Variants in ATP2C1 observed in about 807,000 individuals in gnomAD.
ATP2C1 encodes the protein ATPase secretory pathway Ca2+ transporting 1.
ATP2C1 carries 31 observed loss-of-function variants against 120.5 expected under a neutral mutation model. That is an observed-to-expected ratio of 0.26 (90% CI 0.19 to 0.35). ATP2C1 has a LOEUF of 0.35. ATP2C1 is among the 10% of genes least tolerant of loss of function. The probability of loss-of-function intolerance (pLI) is 1.00; values close to 1 mark genes in which losing one functional copy is unlikely to be tolerated. For synonymous variants in ATP2C1, 351 were observed against 358.7 expected (o/e 0.98, Z 0.24); for missense variants, 731 against 1,107.5 (o/e 0.66, Z 4.83).
rs1334412545 is a variant in ATP2C1 at position 131,014,141 on chromosome 3, CTT to C, written c.2630-2010_2630-2009del. Reference sequence around the variant, plus strand: ...ACCGGTTGTTTCCCTCATACCAACACTTGGTGTGTGCAGTGGTTCTCCCTCTG... The same window carrying C: ...ACCGGTTGTTTCCCTCATACCAACACGGTGTGTGCAGTGGTTCTCCCTCTG... On this transcript the variant is annotated intron_variant, in intron 26 of 26. Transcript: ENST00000328560. 2.5e-6 allele frequency: 4 copies of C among 1,613,704 alleles called. No individual in the cohort carries two copies. In the East Asian group the frequency reaches 8.9e-5, roughly 36 times the overall value.
chr3:130,941,258 G>GTC (rs1559951792), intron 7 of ATP2C1, among the ~76,000 whole-genome samples: 3 of 108,256 alleles, frequency 2.8e-5, no homozygotes, highest in South Asian at 2.9e-4. Flanking sequence ...GTGTGTGTGT[G>GTC]TGTGTGTCTG....
intron 16 of ATP2C1, 39 bp from the exon 17 acceptor site, chr3:130,969,253 C>A: frequency 1.4e-6 from 2 of 1,419,132 alleles, no homozygotes; most frequent in Non-Finnish European, 2.0e-6. Flanking sequence ...AAAATAATCA[C>A]ATATAGGTGA....
At chr3:130,955,934 GTGTA>G in intron 10 of ATP2C1, 166 bp from the exon 11 acceptor site, 1 of 587,874 alleles carries the variant, frequency 1.7e-6, no homozygotes, top group Non-Finnish European at 3.1e-6. Flanking sequence ...CTTGGGCATT[GTGTA>G]AAATCTAAGT....
At chr3:130,991,888 C>T (rs558533705) in intron 20 of ATP2C1, among the ~76,000 whole-genome samples, 7 of 152,096 alleles carry the variant, frequency 4.6e-5, no homozygotes, top group South Asian at 4.2e-4. Context: ...GCAAGGTGGT[C>T]GGCTGAGAAG....
At chr3:130,987,173 A>G (rs2062060893) in intron 20 of ATP2C1, among the ~76,000 whole-genome samples, 1 of 151,462 alleles carries the variant, frequency 6.6e-6, no homozygotes, top group Non-Finnish European at 1.5e-5. Context: ...GAAAGAAAGG[A>G]TTTGCAGAAA....
At chr3:130,960,133 G>A (rs1297797599) in intron 12 of ATP2C1, among the ~76,000 whole-genome samples, 2 of 152,186 alleles carry the variant, frequency 1.3e-5, no homozygotes, top group Non-Finnish European at 2.9e-5. Context: ...CATCTACAAA[G>A]GAAGGGTAAC....
intron 11 of ATP2C1, among the ~76,000 whole-genome samples, chr3:130,958,776 A>G (rs545832775): frequency 1.3e-5 from 2 of 152,338 alleles, no homozygotes; most frequent in South Asian, 2.1e-4. Context: ...CGTAAGGCAC[A>G]TCACTTTTTG....
At position 130,940,676 on chromosome 3, in the gene ATP2C1, C is replaced by T; in HGVS notation, c.407C>T (p.Pro136Leu). 1 of 1,612,064 alleles carries T rather than the reference C, an allele frequency of 6.2e-7. No homozygotes were observed. Among genetic ancestry groups the T allele is most frequent in the Non-Finnish European group, 8.5e-7 (1 of 1,178,574 alleles). ...CTTGAAGAATTGAGTAAACTTGTGC[C>T]ACCAGAATGCCATTGGTATGATCCT... ...KSLEELSKLVPPECHCVREGK... is the reference protein window; with the variant it reads ...KSLEELSKLVLPECHCVREGK... The change falls in exon 7 of 28, where the codon CCA becomes CTA. Residue 136 changes from proline to leucine, a missense_variant. Pro to Leu is a moderately conservative substitution (Grantham distance 98, BLOSUM62 -3). Coordinates refer to ENST00000510168, the MANE Select transcript of ATP2C1 (RefSeq NM_001378687.1).
At chr3:130,918,205 T>A in intron 2 of ATP2C1, 1 of 1,294,528 alleles carries the variant, frequency 7.7e-7, no homozygotes, top group Middle Eastern at 2.6e-4. Flanking sequence ...GATGCTTGGT[T>A]CTGGGTTTAC....
At chr3:130,864,193 C>T (rs908630643) in intron 1 of ATP2C1, among the ~76,000 whole-genome samples, 1 of 152,134 alleles carries the variant, frequency 6.6e-6, no homozygotes, top group Non-Finnish European at 1.5e-5. Context: ...TTGTTGAGAA[C>T]CGGAGTGAAG....
chr3:130,862,184 C>T (rs539965188), intron 1 of ATP2C1, among the ~76,000 whole-genome samples: 2,728 of 151,008 alleles, frequency 0.018, 36 homozygotes, highest in Middle Eastern at 0.031. Context: ...GGAGTTTCAC[C>T]GTGTTAGCCA....
chr3:130,891,816 C>T (rs2069179007), upstream of ATP2C1, among the ~76,000 whole-genome samples: 1 of 152,118 alleles, frequency 6.6e-6, no homozygotes, highest in African/African-American at 2.4e-5. Context: ...TTTGTCTATA[C>T]ATATACATAT....
intron 27 of ATP2C1, among the ~76,000 whole-genome samples, 194 bp from the exon 28 acceptor site, chr3:131,001,026 C>T (rs1390099798): frequency 6.7e-6 from 1 of 149,324 alleles, no homozygotes; most frequent in African/African-American, 2.5e-5. Context: ...TGGCTTGAAC[C>T]CAGGAGGCGG....
Position 130,913,272 on chromosome 3 carries a change from AAAAG to A in ATP2C1, c.7-17141_7-17138del, listed in dbSNP as rs1372527058. 3.1e-4 allele frequency among the ~76,000 whole-genome samples: 47 copies of A among 152,248 alleles called. No individual in the cohort carries two copies. In the East Asian group the frequency reaches 8.7e-3, roughly 28 times the overall value. On this transcript the variant is annotated intron_variant, in intron 2 of 27. Transcript: ENST00000510168. ...AAAAAATAAATAAATTTAAAAAAAA[AAAAG>A]AATTTTGTTTTGGTTATGAGGCAAG...
rs542515241 is a variant in ATP2C1, at chr3:130,992,809, G to C, written c.1840-142G>C. 3.1e-4 allele frequency: 213 copies of C among 689,644 alleles called. 2 individuals carry two copies. The South Asian group carries it at 3.1e-3, about 10-fold the overall frequency. The allele number at this position is 689,644 out of a possible 1,614,324, so 42.7% of individuals were successfully genotyped here. A position where few individuals can be genotyped will look rare whatever the true frequency, so the allele number is the denominator to read the frequency against. On this transcript the variant is annotated intron_variant, in intron 20 of 27. Transcript: ENST00000510168. ...CAGATTAATGTCTTAACAAACATATGTCATATTGCTTAAGCTTGATCTCAG... is the reference window on the plus strand; with the variant it reads ...CAGATTAATGTCTTAACAAACATATCTCATATTGCTTAAGCTTGATCTCAG...
At chr3:130,853,365 G>GTT (rs1050633308) in intron 1 of ATP2C1, among the ~76,000 whole-genome samples, 5 of 152,132 alleles carry the variant, frequency 3.3e-5, no homozygotes, top group African/African-American at 1.2e-4. Context: ...GGTAGATAAT[G>GTT]TTTTTCAATC....
chr3:131,003,112 G>A lies in ATP2C1; in HGVS notation c.*1762G>A. 1.0e-6 allele frequency: 1 copy of A among 982,468 alleles called. No individual in the cohort carries two copies. The highest frequency in any genetic ancestry group is 1.2e-6 in the Non-Finnish European group (1 of 826,868). 60.9% of individuals were successfully genotyped at this position (982,468 alleles called of 1,614,324 possible). ...AATAAATGTGCCTATACATTCATTT[G>A]CTTTGTACTATAAAAATAAAAATGA... On this transcript the variant is annotated 3_prime_UTR_variant, in exon 28 of 28. Coordinates refer to ENST00000510168, the MANE Select transcript of ATP2C1 (RefSeq NM_001378687.1).
At chr3:130,998,595 T>A (rs1267928441) in intron 26 of ATP2C1, among the ~76,000 whole-genome samples, 1 of 152,214 alleles carries the variant, frequency 6.6e-6, no homozygotes, top group Non-Finnish European at 1.5e-5. Context: ...TATGTCTGAC[T>A]AGAACATAAA....
intron 8 of ATP2C1, among the ~76,000 whole-genome samples, chr3:130,953,277 A>C (rs1227270666): frequency 1.3e-5 from 2 of 152,166 alleles, no homozygotes; most frequent in Non-Finnish European, 2.9e-5. Flanking sequence ...TCTGCATGAA[A>C]GCATTTGTAT....
Sources: allele counts gnomAD v4.1 joint callset (sites outside exome capture counted in the v4.1 genomes callset), GRCh38; gene constraint gnomAD v4.1.1; transcripts MANE v1.5; gene names NCBI Gene and HGNC (gene_info 2026-07-23, HGNC 2026-07-21).